The following ITM2B variants were observed in gnomAD, a reference collection of about 807,000 sequenced individuals.
ITM2B encodes the protein integral membrane protein 2B, also known as ABri/ADan amyloid peptide.
In ITM2B, 11 loss-of-function variants were observed where a neutral mutation model predicts 27.8. The observed-to-expected ratio is 0.40, with a 90% CI of 0.25 to 0.66. ITM2B has a LOEUF of 0.66. ITM2B is among the 30% of genes least tolerant of loss of function. The pLI is 0.43. For missense variants in ITM2B, 296 were observed against 328.9 expected, an observed-to-expected ratio of 0.90 and a Z score of 0.77; for synonymous variants, 114 against 114.3, an observed-to-expected ratio of 1.00 and a Z score of 0.02.
At chr13:48,240,619 C>T (rs1286160493) in intron 1 of ITM2B, among the ~76,000 whole-genome samples, 2 of 152,052 alleles carry the variant, frequency 1.3e-5, no homozygotes, top group African/African-American at 2.4e-5. Context: ...ACATAAAAAC[C>T]CTTAGGATTC....
chr13:48,236,920 G>A (rs1191318592), intron 1 of ITM2B, among the ~76,000 whole-genome samples: 1 of 152,206 alleles, frequency 6.6e-6, no homozygotes, highest in Non-Finnish European at 1.5e-5. Flanking sequence ...AAAGTAAAGT[G>A]CTGATATAGG....
rs1951822966 is a variant in ITM2B at position 48,261,526 on chromosome 13, A to C, written c.*302A>C. 4.4e-6 allele frequency: 1 copy of C among 229,436 alleles called. No homozygotes were observed. Among genetic ancestry groups the C allele is most frequent in the South Asian group, 7.9e-5 (1 of 12,644 alleles). 14.2% of individuals were successfully genotyped at this position (229,436 alleles called of 1,614,324 possible). A position where few individuals can be genotyped will look rare whatever the true frequency, so the allele number is the denominator to read the frequency against. Reference sequence around the variant, plus strand: ...TCATTTATCTGGATTTTTATGTTTTATTAGCATTTTCAAGAAGACGGATTA... The same window carrying C: ...TCATTTATCTGGATTTTTATGTTTTCTTAGCATTTTCAAGAAGACGGATTA... On this transcript the variant is annotated 3_prime_UTR_variant, in exon 6 of 6. Transcript: ENST00000647800.
chr13:48,254,094 C>G (rs571841035), intron 2 of ITM2B, among the ~76,000 whole-genome samples, 158 bp downstream of exon 2: 3 of 151,942 alleles, frequency 2.0e-5, no homozygotes, highest in Non-Finnish European at 4.4e-5. Context: ...GTTTAAACAT[C>G]TCTCCATGAT....
intron 1 of ITM2B, among the ~76,000 whole-genome samples, chr13:48,236,599 C>T (rs1226069224): frequency 1.3e-5 from 2 of 152,164 alleles, no homozygotes; most frequent in Non-Finnish European, 1.5e-5. Flanking sequence ...CCAGACTATT[C>T]CCTTTCTTCC....
chr13:48,246,864 C>T (rs1951726995), intron 1 of ITM2B, among the ~76,000 whole-genome samples: 1 of 152,190 alleles, frequency 6.6e-6, no homozygotes, highest in Non-Finnish European at 1.5e-5. Flanking sequence ...GAGTCTCGCT[C>T]TGTCACCAGG....
At chr13:48,248,663 C>T (rs1316023660) in intron 1 of ITM2B, among the ~76,000 whole-genome samples, 1 of 151,988 alleles carries the variant, frequency 6.6e-6, no homozygotes. Context: ...GAAGAATTGT[C>T]TTGAGCCACA....
intron 4 of ITM2B, 123 bp downstream of exon 4, chr13:48,258,359 G>T: frequency 1.4e-6 from 1 of 694,628 alleles, no homozygotes; most frequent in African/African-American, 1.8e-5. Flanking sequence ...TTACAAAGAG[G>T]AACTAATACT....
intron 1 of ITM2B, among the ~76,000 whole-genome samples, chr13:48,250,967 G>T (rs1951752461): frequency 6.6e-6 from 1 of 152,180 alleles, no homozygotes. Flanking sequence ...CGTTGTTGAG[G>T]TGCTGAATAA....
intron 1 of ITM2B, among the ~76,000 whole-genome samples, chr13:48,250,558 C>A (rs1441224348): frequency 1.1e-4 from 16 of 151,210 alleles, no homozygotes; most frequent in African/African-American, 3.4e-4. Context: ...GTGGAGCTTT[C>A]AGTGAGCTGA....
At chr13:48,256,875 C>T (rs1951792544) in intron 3 of ITM2B, among the ~76,000 whole-genome samples, 4 of 152,094 alleles carry the variant, frequency 2.6e-5, no homozygotes, top group Admixed American at 2.6e-4. Flanking sequence ...GACATAAGTA[C>T]TTATGCTATT....
At position 48,266,584 on chromosome 13, in the gene ITM2B, A is replaced by G. The variant is rs1951854556; in HGVS notation, c.*5360A>G. 3.3e-5 allele frequency: 5 copies of G among 152,168 alleles called. No homozygotes were observed. Among genetic ancestry groups the G allele is most frequent in the Admixed American group, 3.3e-4 (5 of 15,260 alleles). The allele number at this position is 152,168 out of a possible 1,614,324, so 9.4% of individuals were successfully genotyped here. A position where few individuals can be genotyped will look rare whatever the true frequency, so the allele number is the denominator to read the frequency against. On this transcript the variant is annotated 3_prime_UTR_variant, in exon 6 of 6. Transcript: ENST00000647800. ...AACTATAGCTAGAAAAAAAGGAAAT[A>G]CGGTATCTACTTCACTAAAACCAAA...
chr13:48,266,671 A>C lies in ITM2B; in HGVS notation c.*5447A>C, dbSNP rs1433024016. 6.6e-6 allele frequency: 1 copy of C among 152,134 alleles called. No homozygotes were observed. Among genetic ancestry groups the C allele is most frequent in the South Asian group, 2.1e-4 (1 of 4,828 alleles). The allele number at this position is 152,134 out of a possible 1,614,324, so 9.4% of individuals were successfully genotyped here. A position where few individuals can be genotyped will look rare whatever the true frequency, so the allele number is the denominator to read the frequency against. Reference sequence around the variant, plus strand: ...ATGGAAATTAATGTTTGTTGAATGAATGAGCTACATTTCATGGATTAACTC... The same window carrying C: ...ATGGAAATTAATGTTTGTTGAATGACTGAGCTACATTTCATGGATTAACTC... On this transcript the variant is annotated 3_prime_UTR_variant, in exon 6 of 6. Coordinates refer to ENST00000647800, the MANE Select transcript of ITM2B (RefSeq NM_021999.5).
chr13:48,250,501 T>C (rs1002455979), intron 1 of ITM2B, among the ~76,000 whole-genome samples: 42 of 151,938 alleles, frequency 2.8e-4, no homozygotes, highest in South Asian at 2.1e-3. Flanking sequence ...GCCTGTAGTC[T>C]CAGCTACTCG....
intron 1 of ITM2B, among the ~76,000 whole-genome samples, chr13:48,250,950 C>T (rs1483852308): frequency 2.0e-5 from 3 of 152,138 alleles, no homozygotes; most frequent in Non-Finnish European, 2.9e-5. Context: ...TCTTAAGCCA[C>T]GTTTCACGTT....
rs1187431330 is a variant in ITM2B, at chr13:48,268,322, G to A, written c.*7098G>A. 1 of 148,070 alleles carries A rather than the reference G, an allele frequency of 6.8e-6. No homozygotes were observed. The highest frequency in any genetic ancestry group is 2.5e-5 in the African/African-American group (1 of 40,010). 9.2% of individuals were successfully genotyped at this position (148,070 alleles called of 1,614,324 possible). A position where few individuals can be genotyped will look rare whatever the true frequency, so the allele number is the denominator to read the frequency against. The stretch of plus-strand genomic sequence containing the variant: ...TTATTTTTTATTTTTTTTTTTTTGA[G>A]ACAGAGTCTGGCTCTGTCAACTCAG... On this transcript the variant is annotated 3_prime_UTR_variant, in exon 6 of 6. Coordinates refer to ENST00000647800, the MANE Select transcript of ITM2B (RefSeq NM_021999.5).
rs1484365160 is a variant in ITM2B at position 48,266,924 on chromosome 13, TTTCCACA to T, written c.*5703_*5709del. On this transcript the variant is annotated 3_prime_UTR_variant, in exon 6 of 6. Transcript: ENST00000647800. ...GGATAGTATTTTTGGGCCAGATGGT[TTTCCACA>T]TTTAAAACATACCAACATTCTTTTA... is the stretch of plus-strand genomic sequence containing the variant. The T allele has an allele frequency of 6.6e-6, 1 of 152,212 alleles. No individual in the cohort carries two copies. Among genetic ancestry groups the T allele is most frequent in the East Asian group, 1.9e-4 (1 of 5,202 alleles). The allele number at this position is 152,212 out of a possible 1,614,324, so 9.4% of individuals were successfully genotyped here.
chr13:48,243,799 A>G (rs1386412588), intron 1 of ITM2B, among the ~76,000 whole-genome samples: 1 of 152,096 alleles, frequency 6.6e-6, no homozygotes, highest in East Asian at 1.9e-4. Flanking sequence ...CTGGGGTGAC[A>G]GAGCAAGACC....
intron 1 of ITM2B, among the ~76,000 whole-genome samples, chr13:48,241,319 C>T (rs1474548406): frequency 6.6e-6 from 1 of 152,186 alleles, no homozygotes; most frequent in Admixed American, 6.5e-5. Context: ...TCAAGTGATT[C>T]TCCTGCCTCA....
chr13:48,256,411 A>G, intron 3 of ITM2B, 28 bp downstream of exon 3: 1 of 1,480,426 alleles, frequency 6.8e-7, no homozygotes, highest in Non-Finnish European at 9.4e-7. Context: ...AATTGTAGAA[A>G]GAATGCAGGT....
Sources: allele counts gnomAD v4.1 joint callset (sites outside exome capture counted in the v4.1 genomes callset), GRCh38; gene constraint gnomAD v4.1.1; transcripts MANE v1.5; gene names NCBI Gene and HGNC (gene_info 2026-07-23, HGNC 2026-07-21).